The following PUDP variants were observed in gnomAD, a reference collection of about 807,000 sequenced individuals.
PUDP encodes pseudouridine-5'-phosphatase.
PUDP carries 8 observed loss-of-function variants against 9.4 expected under a neutral mutation model. The observed-to-expected ratio is 0.85, with a 90% CI of 0.50 to 1.53. The LOEUF (loss-of-function observed/expected upper bound fraction) is 1.53, where lower values mean the gene tolerates loss of function less well. Ranked by LOEUF, PUDP falls within the 40% of genes most tolerant of loss-of-function variation. PUDP has a pLI of 0.00. For synonymous variants in PUDP, 99 were observed against 80.7 expected (o/e 1.23, Z -1.22); for missense variants, 188 against 189.7 (o/e 0.99, Z 0.05).
intron 1 of PUDP, among the ~76,000 whole-genome samples, chrX:7,123,916 A>G (rs1167830904): frequency 2.7e-5 from 3 of 112,357 alleles, no homozygotes; most frequent in Non-Finnish European, 5.6e-5. Flanking sequence ...GTCAAAACTG[A>G]AAGGGGATAT....
chrX:6,900,543 G>A lies in PUDP; in HGVS notation c.*247+76590C>T, dbSNP rs1341497476. ...GGAGAGAGAAAGAGAGAGGGAGACG[G>A]AGAGGGAGAGAGGGAGAGAAGGAGA... On this transcript the variant is annotated intron_variant and NMD_transcript_variant, in intron 3 of 3. Coordinates refer to the PUDP transcript ENST00000655425. 1.8e-5 allele frequency among the ~76,000 whole-genome samples: 2 copies of A among 108,721 alleles called. 1 individual carries two copies. The highest frequency in any genetic ancestry group is 3.8e-5 in the Non-Finnish European group (2 of 52,474). The allele number at this position is 108,721 out of a possible 115,157, so 94.4% of individuals were successfully genotyped here.
intron 3 of PUDP, among the ~76,000 whole-genome samples, chrX:6,793,860 G>T (rs1925793955): frequency 8.9e-6 from 1 of 111,881 alleles, no homozygotes; most frequent in Non-Finnish European, 1.9e-5. Context: ...TTTAAGAAAA[G>T]ACTTGAAATT....
At chrX:6,821,645 G>A (rs769052760) in intron 3 of PUDP, among the ~76,000 whole-genome samples, 1 of 111,867 alleles carries the variant, frequency 8.9e-6, no homozygotes, top group Non-Finnish European at 1.9e-5. Flanking sequence ...GGAGTCCTCG[G>A]TAAGGCTTCC....
upstream of PUDP, among the ~76,000 whole-genome samples, chrX:6,722,299 G>C (rs930321155): frequency 9.1e-6 from 1 of 109,823 alleles, no homozygotes; most frequent in Non-Finnish European, 1.9e-5. Context: ...ACAAAAAATA[G>C]CCAGAGGTGG....
chrX:6,780,713 C>G (rs1377421485), intron 3 of PUDP, among the ~76,000 whole-genome samples: 1 of 111,096 alleles, frequency 9.0e-6, no homozygotes, highest in Non-Finnish European at 1.9e-5. Context: ...GGATGAGAGG[C>G]TGGCTGGATA....
chrX:6,898,234 A>C (rs1927621598), intron 3 of PUDP, among the ~76,000 whole-genome samples: 1 of 112,785 alleles, frequency 8.9e-6, no homozygotes, highest in Non-Finnish European at 1.9e-5. Context: ...TCAGCTCCCC[A>C]TCATGGAAGT....
chrX:6,751,700 T>C (rs1925088465), intron 3 of PUDP, among the ~76,000 whole-genome samples: 1 of 111,524 alleles, frequency 9.0e-6, no homozygotes, highest in Non-Finnish European at 1.9e-5. Context: ...CGGCCACGCT[T>C]AGGTAAATAT....
chrX:6,869,297 G>A (rs1927137166), intron 3 of PUDP, among the ~76,000 whole-genome samples: 1 of 111,776 alleles, frequency 8.9e-6, no homozygotes, highest in Admixed American at 9.6e-5. Context: ...GGGCACATTG[G>A]GCAGTTTGTC....
downstream of PUDP, chrX:7,048,880 T>C (rs1020250627): frequency 6.2e-5 from 7 of 112,450 alleles, no homozygotes; most frequent in Admixed American, 5.7e-4. Context: ...AGACTGTTTT[T>C]TTCTTTTTAA....
intron 1 of PUDP, among the ~76,000 whole-genome samples, chrX:7,131,661 G>A (rs1317667424): frequency 3.7e-5 from 4 of 108,898 alleles, no homozygotes; most frequent in African/African-American, 6.7e-5. Flanking sequence ...TCCTTCTATC[G>A]TTCATCTGGA....
At chrX:7,057,876 T>TCCTGACTAATATA in intron 3 of PUDP, 1 of 921,233 alleles carries the variant, frequency 1.1e-6, no homozygotes, top group Non-Finnish European at 1.5e-6. Flanking sequence ...TGTCAGGAGC[T>TCCTGACTAATATA]AGGTTAGGTT....
intron 3 of PUDP, among the ~76,000 whole-genome samples, chrX:6,841,742 T>A (rs1926674196): frequency 1.8e-5 from 2 of 112,527 alleles, no homozygotes; most frequent in African/African-American, 3.2e-5. Context: ...TGCAGTCTTA[T>A]CAACTTCCGG....
rs1162322257 is a variant in PUDP at position 6,720,287 on chromosome X, T to TATATATATAC, written n.128+1129_128+1130insGTATATATAT. Among the ~76,000 whole-genome samples, 32 of 83,133 alleles carry TATATATATAC rather than the reference T, an allele frequency of 3.8e-4. No individual in the cohort carries two copies. The East Asian group carries it at 7.8e-3, about 20-fold the overall frequency. 72.2% of individuals were successfully genotyped at this position (83,133 alleles called of 115,157 possible). A position where few individuals can be genotyped will look rare whatever the true frequency, so the allele number is the denominator to read the frequency against. ...ATATATATATATATATATATATATA[T>TATATATATAC]ACACACACACACATAAATATGAATA... On this transcript the variant is annotated intron_variant and non_coding_transcript_variant, in intron 1 of 2. Transcript: ENST00000438499.
chrX:6,964,100 C>G (rs868580253), intron 3 of PUDP, among the ~76,000 whole-genome samples: 1 of 111,929 alleles, frequency 8.9e-6, no homozygotes, highest in Non-Finnish European at 1.9e-5. Context: ...ATAGGCAACA[C>G]GGGGCTTTAT....
chrX:6,776,193 G>C (rs1479666604), intron 3 of PUDP, among the ~76,000 whole-genome samples: 5 of 110,882 alleles, frequency 4.5e-5, no homozygotes, highest in African/African-American at 1.6e-4. Flanking sequence ...ATTCAATGGG[G>C]TGCCTGAACC....
chrX:7,096,272 TG>T (rs766540280), intron 2 of PUDP, among the ~76,000 whole-genome samples: 1 of 112,176 alleles, frequency 8.9e-6, no homozygotes, highest in Non-Finnish European at 1.9e-5. Context: ...GTACTTGCTC[TG>T]GATCTTGGTG....
chrX:6,803,235 A>G (rs1925994572), intron 3 of PUDP, among the ~76,000 whole-genome samples: 1 of 110,980 alleles, frequency 9.0e-6, no homozygotes, highest in Non-Finnish European at 1.9e-5. Flanking sequence ...AACCCATGCA[A>G]CATTCTTGAT....
chrX:6,809,406 T>C (rs913658554), intron 3 of PUDP, among the ~76,000 whole-genome samples: 1 of 109,246 alleles, frequency 9.2e-6, no homozygotes, highest in South Asian at 4.1e-4. Flanking sequence ...CAAGGGAGCA[T>C]AGGAGTTTGC....
rs765293809 is a variant in PUDP at position 7,054,915 on chromosome X, G to A, written c.511-4443C>T. On this transcript the variant is annotated intron_variant, in intron 3 of 3. Coordinates refer to ENST00000381077, the MANE Select transcript of PUDP (RefSeq NM_012080.5). ...GTGCCAGGAAAACTCAACAGAACAG[G>A]AGTGGAGCAGAAGTGAGTGGTTTAC... is the stretch of plus-strand genomic sequence containing the variant. 2.7e-5 allele frequency among the ~76,000 whole-genome samples: 3 copies of A among 112,154 alleles called. No homozygotes were observed. In the South Asian group the frequency reaches 1.1e-3, roughly 42 times the overall value.
Sources: gnomAD v4.1 joint callset for allele counts (sites outside exome capture counted in the v4.1 genomes callset) on GRCh38, gnomAD v4.1.1 for gene constraint, MANE v1.5 for transcripts, NCBI Gene and HGNC (gene_info 2026-07-23, HGNC 2026-07-21) for gene names.